Variants in CNRIP1 observed in about 807,000 individuals in gnomAD.
CNRIP1 encodes the protein cannabinoid receptor interacting protein 1.
A neutral mutation model predicts 15.2 loss-of-function variants in CNRIP1; 10 were observed. The observed-to-expected ratio is 0.66, with a 90% CI of 0.41 to 1.12. The LOEUF is 1.12. Ranked by LOEUF, CNRIP1 falls within the 50% of genes most tolerant of loss-of-function variation. The pLI, the probability that CNRIP1 is intolerant of heterozygous loss-of-function variation, is 0.00. For missense variants in CNRIP1, 211 were observed against 214.7 expected, an observed-to-expected ratio of 0.98 and a Z score of 0.11; for synonymous variants, 91 against 83.2, an observed-to-expected ratio of 1.09 and a Z score of -0.51.
intron 2 of CNRIP1, among the ~76,000 whole-genome samples, chr2:68,296,721 T>A (rs1308457965): frequency 6.6e-6 from 1 of 152,184 alleles, no homozygotes; most frequent in Non-Finnish European, 1.5e-5. Flanking sequence ...CACTGCAACC[T>A]CTGCTGCCCG....
rs778769533 is a variant in CNRIP1, at chr2:68,319,407, G to A, written c.-7C>T. ...GGCCCGGCAGGTCCCCCATGTCTGG[G>A]CGAGGGTCTGGCGCGGCGGCTCCGG... is the stretch of plus-strand genomic sequence containing the variant. On this transcript the variant is annotated 5_prime_UTR_variant, in exon 1 of 3. Coordinates refer to ENST00000263655, the MANE Select transcript of CNRIP1 (RefSeq NM_015463.3). 1 of 1,550,972 alleles carries A rather than the reference G, an allele frequency of 6.4e-7. No homozygotes were observed. Among genetic ancestry groups the A allele is most frequent in the Non-Finnish European group, 8.7e-7 (1 of 1,149,914 alleles).
rs1553413239 is a variant in CNRIP1, at chr2:68,285,668, A to AGAAAG, written c.331-1185_331-1184insCTTTC. On this transcript the variant is annotated intron_variant, in intron 2 of 2. Transcript: ENST00000409559. Reference sequence around the variant, plus strand: ...CAAGACCCTGTCTCAAAAAAAAAAAAAAAAGAAAAGAAAAGAAAAGAAAAG... The same window carrying AGAAAG: ...CAAGACCCTGTCTCAAAAAAAAAAAAGAAAGAAAAGAAAAGAAAAGAAAAGAAAAG... Among the ~76,000 whole-genome samples, 258 of 124,460 alleles carry AGAAAG rather than the reference A, an allele frequency of 2.1e-3. 2 individuals are homozygous for AGAAAG. The highest frequency in any genetic ancestry group is 7.5e-3 in the African/African-American group (246 of 32,830). 81.7% of individuals were successfully genotyped at this position (124,460 alleles called of 152,430 possible).
intron 2 of CNRIP1, among the ~76,000 whole-genome samples, chr2:68,301,893 C>CAAAAAA (rs61613452): frequency 2.0e-4 from 15 of 74,228 alleles, no homozygotes; most frequent in East Asian, 3.8e-4. Context: ...GTCTCCGTCT[C>CAAAAAA]AAAAAAAAAA....
chr2:68,302,845 CTTT>C (rs1214086385), intron 2 of CNRIP1, among the ~76,000 whole-genome samples: 56 of 126,254 alleles, frequency 4.4e-4, no homozygotes, highest in African/African-American at 1.6e-3. Context: ...ATTTGAAAAA[CTTT>C]TTTTTTTTTT....
intron 2 of CNRIP1, among the ~76,000 whole-genome samples, chr2:68,308,472 C>A (rs1671949717): frequency 6.6e-6 from 1 of 151,794 alleles, no homozygotes; most frequent in African/African-American, 2.4e-5. Context: ...TCTTATTTTT[C>A]TTTATGATTT....
At chr2:68,286,326 AC>A (rs1671030520) in intron 2 of CNRIP1, among the ~76,000 whole-genome samples, 1 of 147,370 alleles carries the variant, frequency 6.8e-6, no homozygotes, top group African/African-American at 2.7e-5. Context: ...GAACACACAC[AC>A]ACACACACAC....
intron 2 of CNRIP1, among the ~76,000 whole-genome samples, chr2:68,311,336 AAATATAGGATTAGAAAAC>A (rs1396386052): frequency 2.6e-5 from 4 of 152,192 alleles, no homozygotes; most frequent in Admixed American, 6.5e-5. Context: ...GGAAGGGAAT[AAATATAGGATTAGAAAAC>A]AATGAAGTAG....
chr2:68,312,381 C>A (rs1430222953), intron 2 of CNRIP1, among the ~76,000 whole-genome samples: 2 of 151,828 alleles, frequency 1.3e-5, no homozygotes, highest in Admixed American at 6.6e-5. Flanking sequence ...TCAAAAGATA[C>A]AGAAAAACTA....
At chr2:68,310,286 CCACTG>C (rs1236132703) in intron 2 of CNRIP1, among the ~76,000 whole-genome samples, 1 of 152,190 alleles carries the variant, frequency 6.6e-6, no homozygotes, top group Non-Finnish European at 1.5e-5. Flanking sequence ...TGAGATCGCA[CCACTG>C]CATTCCAGCC....
intron 2 of CNRIP1, among the ~76,000 whole-genome samples, chr2:68,311,501 C>G (rs1033686269): frequency 2.0e-5 from 3 of 151,886 alleles, no homozygotes; most frequent in African/African-American, 7.3e-5. Flanking sequence ...AGGTCGGGCG[C>G]GGCAGCTCAT....
At position 68,293,782 on chromosome 2, in the gene CNRIP1, G is replaced by T. The variant is rs1573007566; in HGVS notation, c.*80C>A. On this transcript the variant is annotated 3_prime_UTR_variant, in exon 3 of 3. Transcript: ENST00000263655. Reference sequence around the variant, plus strand: ...ATGGGGAACAGCAATGGTGTGGCATGCCTTGTTTAAGGCCTGCGCTGGTTT... The same window carrying T: ...ATGGGGAACAGCAATGGTGTGGCATTCCTTGTTTAAGGCCTGCGCTGGTTT... 10 of 1,552,058 alleles carry T rather than the reference G, an allele frequency of 6.4e-6. No individual in the cohort carries two copies. Among genetic ancestry groups the T allele is most frequent in the Non-Finnish European group, 7.9e-6 (9 of 1,145,446 alleles).
chr2:68,289,534 G>A (rs1671111332), downstream of CNRIP1, among the ~76,000 whole-genome samples: 3 of 151,610 alleles, frequency 2.0e-5, no homozygotes, highest in Admixed American at 2.0e-4. Flanking sequence ...AGGCTGGAGT[G>A]TAGTGGCAGG....
At chr2:68,295,584 G>A (rs1291113791) in intron 2 of CNRIP1, among the ~76,000 whole-genome samples, 1 of 152,206 alleles carries the variant, frequency 6.6e-6, no homozygotes, top group African/African-American at 2.4e-5. Flanking sequence ...AAGACATGCT[G>A]ATTCAAGCAG....
At chr2:68,292,695 G>C (rs751581132), downstream of CNRIP1, among the ~76,000 whole-genome samples, 2 of 152,182 alleles carry the variant, frequency 1.3e-5, no homozygotes, top group African/African-American at 2.4e-5. Context: ...CACTATTATA[G>C]CACCATTGCT....
downstream of CNRIP1, among the ~76,000 whole-genome samples, chr2:68,292,018 A>G (rs1671185758): frequency 6.6e-6 from 1 of 152,208 alleles, no homozygotes; most frequent in Admixed American, 6.5e-5. Context: ...CAAATTAGTA[A>G]ATATTAAATT....
At chr2:68,301,309 T>C (rs947638527) in intron 2 of CNRIP1, among the ~76,000 whole-genome samples, 1 of 152,218 alleles carries the variant, frequency 6.6e-6, no homozygotes, top group African/African-American at 2.4e-5. Flanking sequence ...ATATCCATAG[T>C]TGGAGAAAGA....
intron 2 of CNRIP1, among the ~76,000 whole-genome samples, chr2:68,286,538 CA>C (rs1234506686): frequency 6.6e-6 from 1 of 152,132 alleles, no homozygotes; most frequent in Non-Finnish European, 1.5e-5. Flanking sequence ...GGGAAATTCA[CA>C]ATGCTCCTTT....
At chr2:68,303,014 A>AT (rs1220361249) in intron 2 of CNRIP1, among the ~76,000 whole-genome samples, 110 of 151,710 alleles carry the variant, frequency 7.3e-4, no homozygotes, top group African/African-American at 1.7e-3. Flanking sequence ...CGCCCGGCTA[A>AT]TTTTTTGTAT....
chr2:68,306,618 T>C (rs1020301506), intron 2 of CNRIP1, among the ~76,000 whole-genome samples: 1 of 151,906 alleles, frequency 6.6e-6, no homozygotes, highest in Non-Finnish European at 1.5e-5. Flanking sequence ...CTGTCTCTAC[T>C]GAAAATACAA....
Sources: allele counts gnomAD v4.1 joint callset (sites outside exome capture counted in the v4.1 genomes callset), GRCh38; gene constraint gnomAD v4.1.1; transcripts MANE v1.5; gene names NCBI Gene and HGNC (gene_info 2026-07-23, HGNC 2026-07-21).